DCAF8L2: variants seen among roughly 807,000 people sequenced by gnomAD.
DCAF8L2 encodes the protein DDB1- and CUL4-associated factor 8-like protein 2.
For synonymous variants in DCAF8L2, 200 were observed against 190.9 expected, an observed-to-expected ratio of 1.05 and a Z score of -0.39; for missense variants, 430 against 490.7, an observed-to-expected ratio of 0.88 and a Z score of 1.17.
chrX:27,591,586 T>C (rs1926095384), intron 1 of DCAF8L2, among the ~76,000 whole-genome samples: 3 of 111,985 alleles, frequency 2.7e-5, no homozygotes, highest in Middle Eastern at 9.3e-3. Flanking sequence ...AACATCTTTC[T>C]TTCATGGTAT....
At chrX:27,529,599 G>A in the DCAF8L2 span, among the ~76,000 whole-genome samples, 2 of 111,548 alleles carry the variant, frequency 1.8e-5, no homozygotes, top group African/African-American at 6.5e-5. Context: ...TAAATTTAAG[G>A]ACATGTAGGG....
At chrX:27,487,092 AC>A in the DCAF8L2 span, among the ~76,000 whole-genome samples, 23 of 111,616 alleles carry the variant, frequency 2.1e-4, no homozygotes, top group African/African-American at 7.5e-4. Flanking sequence ...GAATCCATGA[AC>A]ATAGAATGTC....
chrX:27,480,865 G>A, the DCAF8L2 span, among the ~76,000 whole-genome samples: 10 of 111,296 alleles, frequency 9.0e-5, no homozygotes, highest in South Asian at 3.7e-4. Context: ...GGCTTTTCTC[G>A]AAGATGTTAG....
chrX:27,664,761 A>C (rs1452392673), intron 2 of DCAF8L2, among the ~76,000 whole-genome samples: 1 of 111,107 alleles, frequency 9.0e-6, no homozygotes, highest in Non-Finnish European at 1.9e-5. Flanking sequence ...ACCATTCCTA[A>C]GATCTTAGAG....
At chrX:27,623,511 T>C (rs1370706825) in intron 1 of DCAF8L2, among the ~76,000 whole-genome samples, 2 of 110,758 alleles carry the variant, frequency 1.8e-5, no homozygotes, top group Admixed American at 9.7e-5. Context: ...TTGAGGGTTT[T>C]TCAATGAAAA....
At chrX:27,609,729 C>T (rs1221580166) in intron 1 of DCAF8L2, among the ~76,000 whole-genome samples, 5 of 111,245 alleles carry the variant, frequency 4.5e-5, no homozygotes, top group Admixed American at 3.9e-4. Context: ...TAATAAGAAA[C>T]CAAAATACTG....
chrX:27,541,985 C>T, the DCAF8L2 span, among the ~76,000 whole-genome samples: 1 of 111,669 alleles, frequency 9.0e-6, no homozygotes, highest in Non-Finnish European at 1.9e-5. Context: ...TTAGGATAAC[C>T]GCCTCCAGCT....
At chrX:27,683,573 A>C (rs1400887528) in intron 3 of DCAF8L2, among the ~76,000 whole-genome samples, 3 of 111,692 alleles carry the variant, frequency 2.7e-5, no homozygotes, top group Non-Finnish European at 5.6e-5. Context: ...TTTTTGTACC[A>C]TTTACTTCCC....
the DCAF8L2 span, among the ~76,000 whole-genome samples, chrX:27,479,497 A>G: frequency 6.9e-4 from 77 of 111,945 alleles, no homozygotes; most frequent in East Asian, 8.5e-4. Context: ...TCCTAAACAA[A>G]TCTTCACTAC....
At chrX:27,528,134 AATT>A in the DCAF8L2 span, among the ~76,000 whole-genome samples, 1 of 87,917 alleles carries the variant, frequency 1.1e-5, no homozygotes, top group African/African-American at 3.8e-5. Flanking sequence ...ATTATAATTA[AATT>A]ATTAAATTGT....
chrX:27,544,069 T>C, the DCAF8L2 span, among the ~76,000 whole-genome samples: 2 of 111,187 alleles, frequency 1.8e-5, no homozygotes, highest in East Asian at 5.7e-4. Context: ...TAAGTGAGAG[T>C]CTGGCACTTT....
intron 2 of DCAF8L2, among the ~76,000 whole-genome samples, chrX:27,644,063 A>G (rs777880505): frequency 5.4e-5 from 6 of 111,294 alleles, no homozygotes; most frequent in Non-Finnish European, 1.1e-4. Context: ...CTATTTTTCT[A>G]TCTGATCAAT....
the DCAF8L2 span, among the ~76,000 whole-genome samples, chrX:27,573,433 G>T: frequency 9.0e-6 from 1 of 111,035 alleles, no homozygotes; most frequent in Non-Finnish European, 1.9e-5. Flanking sequence ...TGTTGCCCTA[G>T]CTGAGGAACA....
chrX:27,593,141 C>T (rs1365233936), intron 1 of DCAF8L2, among the ~76,000 whole-genome samples: 4 of 111,640 alleles, frequency 3.6e-5, no homozygotes, highest in East Asian at 2.8e-4. Flanking sequence ...GCATTAACTA[C>T]GCTCACAGTG....
intron 1 of DCAF8L2, among the ~76,000 whole-genome samples, chrX:27,608,661 G>A (rs1164164553): frequency 9.1e-6 from 1 of 110,296 alleles, no homozygotes; most frequent in Non-Finnish European, 1.9e-5. Flanking sequence ...ATTTTTTTCT[G>A]CGTCTCTATC....
chrX:27,497,865 C>T, the DCAF8L2 span, among the ~76,000 whole-genome samples: 1 of 112,248 alleles, frequency 8.9e-6, no homozygotes, highest in Admixed American at 9.5e-5. Context: ...CCGCACTCGG[C>T]CTCTGCTTTC....
the DCAF8L2 span, among the ~76,000 whole-genome samples, chrX:27,563,948 TG>T: frequency 1.1e-4 from 12 of 112,384 alleles, no homozygotes; most frequent in African/African-American, 2.9e-4. Context: ...AAAGGTCCAG[TG>T]GCTGTCTCTT....
chrX:27,500,153 T>G, the DCAF8L2 span, among the ~76,000 whole-genome samples: 1 of 111,831 alleles, frequency 8.9e-6, no homozygotes, highest in Non-Finnish European at 1.9e-5. Context: ...CTGTATTATC[T>G]CTTACAGATA....
At chrX:27,683,912 A>G (rs1449387047) in intron 3 of DCAF8L2, among the ~76,000 whole-genome samples, 2 of 111,940 alleles carry the variant, frequency 1.8e-5, no homozygotes, top group Non-Finnish European at 3.8e-5. Context: ...ATTTTCTTAA[A>G]TTAATCAAAC....
Sources: allele counts gnomAD v4.1 joint callset (sites outside exome capture counted in the v4.1 genomes callset), GRCh38; gene constraint gnomAD v4.1.1; transcripts MANE v1.5; gene names NCBI Gene and HGNC (gene_info 2026-07-23, HGNC 2026-07-21).